Variants in NRG3 observed in about 807,000 individuals in gnomAD.
NRG3 encodes the protein pro-neuregulin-3, membrane-bound isoform.
NRG3 carries 31 observed loss-of-function variants against 66.9 expected under a neutral mutation model. The observed-to-expected ratio is 0.46, with a 90% CI of 0.35 to 0.63. NRG3 has a LOEUF of 0.63. Ranked by LOEUF, NRG3 falls within the 20% of genes least tolerant of loss-of-function variation. NRG3 has a pLI of 0.00. For synonymous variants in NRG3, 393 were observed against 359.4 expected (o/e 1.09, Z -1.06); for missense variants, 910 against 878.9 (o/e 1.04, Z -0.45).
intron 2 of NRG3, among the ~76,000 whole-genome samples, chr10:82,624,435 T>C (rs984987418): frequency 9.9e-5 from 15 of 152,252 alleles, no homozygotes; most frequent in African/African-American, 3.6e-4. Flanking sequence ...ATTCTCCTTT[T>C]TCCCTTGTGG....
intron 2 of NRG3, among the ~76,000 whole-genome samples, chr10:82,709,137 T>C (rs975605432): frequency 2.0e-5 from 3 of 152,162 alleles, no homozygotes; most frequent in Admixed American, 2.0e-4. Flanking sequence ...CCACTAGCCA[T>C]TGATGAATAT....
intron 1 of NRG3, among the ~76,000 whole-genome samples, chr10:82,084,239 A>G (rs1590048779): frequency 1.3e-5 from 2 of 151,836 alleles, no homozygotes; most frequent in South Asian, 4.2e-4. Flanking sequence ...AAAACAAAAA[A>G]GACACATTTA....
chr10:82,431,904 A>T (rs2089831730), intron 2 of NRG3, among the ~76,000 whole-genome samples: 1 of 152,206 alleles, frequency 6.6e-6, no homozygotes, highest in Non-Finnish European at 1.5e-5. Context: ...CCATGGATAT[A>T]AATTTACTTA....
intron 1 of NRG3, among the ~76,000 whole-genome samples, chr10:82,119,785 G>T (rs569412542): frequency 4.6e-5 from 7 of 152,190 alleles, no homozygotes; most frequent in African/African-American, 1.7e-4. Flanking sequence ...ACCATGTTGA[G>T]AAAGAGTGAA....
chr10:82,638,718 C>G (rs2050364876), intron 2 of NRG3, among the ~76,000 whole-genome samples: 1 of 152,014 alleles, frequency 6.6e-6, no homozygotes, highest in South Asian at 2.1e-4. Context: ...GCGATCTCAG[C>G]TAACTGCAGC....
chr10:82,972,687 A>G (rs1433212257), intron 6 of NRG3, among the ~76,000 whole-genome samples: 1 of 152,160 alleles, frequency 6.6e-6, no homozygotes, highest in Non-Finnish European at 1.5e-5. Flanking sequence ...TATCATCTTA[A>G]TTATTGTATC....
chr10:81,893,239 T>C (rs1564636959), intron 1 of NRG3, among the ~76,000 whole-genome samples: 1 of 152,230 alleles, frequency 6.6e-6, no homozygotes, highest in Non-Finnish European at 1.5e-5. Flanking sequence ...AGTTGTACTC[T>C]AACACAATTT....
At chr10:82,274,229 G>A (rs1260718032) in intron 1 of NRG3, among the ~76,000 whole-genome samples, 2 of 151,976 alleles carry the variant, frequency 1.3e-5, no homozygotes, top group African/African-American at 2.4e-5. Flanking sequence ...TTCTGCAAAT[G>A]AATGTGAAAA....
In NRG3 at chr10:82,987,039, T is replaced by C. The variant is rs1853477493; in HGVS notation, c.*1434T>C. On this transcript the variant is annotated 3_prime_UTR_variant, in exon 9 of 9. Coordinates refer to ENST00000372141, the MANE Select transcript of NRG3 (RefSeq NM_001010848.4). ...GTGAACTGAAACCTCTCCTGAAGAT[T>C]TGTCTGTTTATTTACCCTCACTTTC... is the stretch of plus-strand genomic sequence containing the variant. 1 of 152,234 alleles carries C rather than the reference T, an allele frequency of 6.6e-6. No homozygotes were observed. The highest frequency in any genetic ancestry group is 2.1e-4 in the South Asian group (1 of 4,828). The allele number at this position is 152,234 out of a possible 1,614,324, so 9.4% of individuals were successfully genotyped here. A position where few individuals can be genotyped will look rare whatever the true frequency, so the allele number is the denominator to read the frequency against.
At chr10:82,877,371 CTTTTTTTTT>C (rs59994503) in intron 4 of NRG3, among the ~76,000 whole-genome samples, 2 of 79,000 alleles carry the variant, frequency 2.5e-5, no homozygotes, top group South Asian at 5.6e-4. Context: ...ATAGGGCAGA[CTTTTTTTTT>C]TTTTTTTTTT....
At chr10:82,888,406 C>G (rs1842891002) in intron 4 of NRG3, among the ~76,000 whole-genome samples, 1 of 152,074 alleles carries the variant, frequency 6.6e-6, no homozygotes, top group Admixed American at 6.6e-5. Flanking sequence ...TGCTCATATC[C>G]ATTGACTTGA....
intron 2 of NRG3, among the ~76,000 whole-genome samples, chr10:82,389,319 T>C (rs1244111835): frequency 6.6e-6 from 1 of 152,184 alleles, no homozygotes; most frequent in Non-Finnish European, 1.5e-5. Flanking sequence ...GAAAAGTCAA[T>C]CCCTCAGTAA....
chr10:82,947,374 T>A (rs1348047063), intron 4 of NRG3, among the ~76,000 whole-genome samples: 1 of 152,156 alleles, frequency 6.6e-6, no homozygotes, highest in East Asian at 1.9e-4. Context: ...GATCCTTGGG[T>A]TATTTCCAGT....
At position 82,263,849 on chromosome 10, in the gene NRG3, A is replaced by G. The variant is rs188135576; in HGVS notation, c.824-94890A>G. 2.5e-3 allele frequency among the ~76,000 whole-genome samples: 387 copies of G among 152,326 alleles called. 7 individuals carry two copies. Among genetic ancestry groups the G allele is most frequent in the East Asian group, 2.1e-3 (11 of 5,184 alleles). The stretch of plus-strand genomic sequence containing the variant: ...AATAAAGGTGATGCATCCATTAGCA[A>G]ATGTTGTTGCTTTTAAAGTGATGGT... On this transcript the variant is annotated intron_variant, in intron 1 of 8. Transcript: ENST00000372141.
chr10:82,972,962 A>C (rs2132580678), intron 6 of NRG3, among the ~76,000 whole-genome samples: 1 of 152,346 alleles, frequency 6.6e-6, no homozygotes, highest in Non-Finnish European at 1.5e-5. Flanking sequence ...CTGAATATCC[A>C]GATTCAAAAC....
chr10:82,649,390 G>T (rs1288974669), intron 2 of NRG3, among the ~76,000 whole-genome samples: 1 of 149,006 alleles, frequency 6.7e-6, no homozygotes, highest in African/African-American at 2.5e-5. Flanking sequence ...GGGCCTATAA[G>T]CCTATCACAA....
At chr10:81,988,383 G>A (rs192932218) in intron 1 of NRG3, among the ~76,000 whole-genome samples, 9 of 152,188 alleles carry the variant, frequency 5.9e-5, no homozygotes, top group Admixed American at 1.3e-4. Flanking sequence ...AAGCATGCCC[G>A]GCTTTGATAT....
chr10:82,174,750 A>G (rs1589217618), intron 1 of NRG3, among the ~76,000 whole-genome samples: 1 of 152,016 alleles, frequency 6.6e-6, no homozygotes, highest in Non-Finnish European at 1.5e-5. Context: ...TCACTCTGTT[A>G]TGATTTTGAG....
chr10:82,531,462 A>G lies in NRG3; in HGVS notation c.953+172594A>G, dbSNP rs137967651. On this transcript the variant is annotated intron_variant, in intron 2 of 8. Transcript: ENST00000372141. ...ATGAGAGGAGATATATATTGTTTATATATTTTAGAAATAATTTTACTTTTA... is the reference window on the plus strand; with the variant it reads ...ATGAGAGGAGATATATATTGTTTATGTATTTTAGAAATAATTTTACTTTTA... Among the ~76,000 whole-genome samples, 513 of 151,950 alleles carry G rather than the reference A, an allele frequency of 3.4e-3. 2 individuals carry two copies. Among genetic ancestry groups the G allele is most frequent in the African/African-American group, 0.012 (494 of 41,554 alleles).
Sources: allele counts gnomAD v4.1 joint callset (sites outside exome capture counted in the v4.1 genomes callset), GRCh38; gene constraint gnomAD v4.1.1; transcripts MANE v1.5; gene names NCBI Gene and HGNC (gene_info 2026-07-23, HGNC 2026-07-21).